SV2C: variants seen among roughly 807,000 people sequenced by gnomAD.
The protein encoded by SV2C is solute carrier family 22 member B3.
In SV2C, 49 loss-of-function variants were observed where a neutral mutation model predicts 79.7. That is an observed-to-expected ratio of 0.61 (90% CI 0.49 to 0.78). The LOEUF (loss-of-function observed/expected upper bound fraction) is 0.78, where lower values mean the gene tolerates loss of function less well. Ranked by LOEUF, SV2C falls within the 30% of genes least tolerant of loss-of-function variation. SV2C has a pLI of 0.00. For synonymous variants in SV2C, 334 were observed against 333.2 expected, an observed-to-expected ratio of 1.00 and a Z score of -0.03; for missense variants, 833 against 912.9, an observed-to-expected ratio of 0.91 and a Z score of 1.13.
intron 12 of SV2C, among the ~76,000 whole-genome samples, chr5:76,305,137 G>A (rs1437040555): frequency 6.6e-6 from 1 of 152,186 alleles, no homozygotes; most frequent in Non-Finnish European, 1.5e-5. Context: ...TGCGAGGACA[G>A]TACCAAGGGC....
chr5:76,288,716 T>C (rs1373949650), intron 6 of SV2C, among the ~76,000 whole-genome samples: 1 of 152,206 alleles, frequency 6.6e-6, no homozygotes, highest in African/African-American at 2.4e-5. Context: ...TAGAGGAGAA[T>C]AAGATGGATA....
At chr5:75,878,532 A>C in the SV2C span, among the ~76,000 whole-genome samples, 1 of 152,128 alleles carries the variant, frequency 6.6e-6, no homozygotes, top group East Asian at 1.9e-4. Flanking sequence ...ACTTTTATTA[A>C]AACCCCAAAA....
the SV2C span, among the ~76,000 whole-genome samples, chr5:76,036,588 C>T: frequency 6.6e-6 from 1 of 152,222 alleles, no homozygotes; most frequent in Admixed American, 6.5e-5. Flanking sequence ...TCTCTTCTGG[C>T]ATGTAGAATT....
At chr5:76,073,503 G>GTATGTGTATATATATA in the SV2C span, among the ~76,000 whole-genome samples, 1 of 67,412 alleles carries the variant, frequency 1.5e-5, no homozygotes, top group African/African-American at 6.6e-5. Flanking sequence ...GTATGTGTGT[G>GTATGTGTATATATATA]TATATATATA....
chr5:76,070,893 C>G, the SV2C span, among the ~76,000 whole-genome samples: 1 of 152,152 alleles, frequency 6.6e-6, no homozygotes, highest in African/African-American at 2.4e-5. Context: ...CCAAGGACTC[C>G]CTATGCCTCC....
chr5:76,283,996 C>G (rs1241869804), intron 4 of SV2C, among the ~76,000 whole-genome samples: 1 of 152,100 alleles, frequency 6.6e-6, no homozygotes, highest in Non-Finnish European at 1.5e-5. Context: ...GATTTTTGTT[C>G]ACAAAAAGGC....
intron 2 of SV2C, among the ~76,000 whole-genome samples, chr5:76,142,975 C>A (rs1324360095): frequency 6.9e-6 from 1 of 145,976 alleles, no homozygotes; most frequent in African/African-American, 2.5e-5. Flanking sequence ...CTCACTACTG[C>A]AACCTCTGAC....
At chr5:75,850,370 T>A in the SV2C span, among the ~76,000 whole-genome samples, 1 of 152,210 alleles carries the variant, frequency 6.6e-6, no homozygotes, top group Non-Finnish European at 1.5e-5. Context: ...CAATTTGTTA[T>A]ATATTTGCAA....
the SV2C span, among the ~76,000 whole-genome samples, chr5:76,037,731 C>G: frequency 2.0e-5 from 3 of 152,214 alleles, no homozygotes; most frequent in African/African-American, 4.8e-5. Context: ...GAGGTGGAGC[C>G]TACAGAGGCA....
chr5:75,940,255 TTGGGAGGCTGATG>T, the SV2C span, among the ~76,000 whole-genome samples: 1 of 152,012 alleles, frequency 6.6e-6, no homozygotes, highest in Non-Finnish European at 1.5e-5. Flanking sequence ...TCCGGGCTAC[TTGGGAGGCTGATG>T]TGGGAGGATC....
chr5:76,076,469 C>T, the SV2C span, among the ~76,000 whole-genome samples: 2 of 152,282 alleles, frequency 1.3e-5, no homozygotes, highest in South Asian at 4.1e-4. Flanking sequence ...GTTATATCTG[C>T]TGGTGCTACT....
In SV2C at chr5:76,330,703, G is replaced by A. The variant is rs1179681002; in HGVS notation, c.*5156G>A. 6.6e-6 allele frequency: 1 copy of A among 152,092 alleles called. No individual in the cohort carries two copies. The highest frequency in any genetic ancestry group is 2.4e-5 in the African/African-American group (1 of 41,382). 9.4% of individuals were successfully genotyped at this position (152,092 alleles called of 1,614,324 possible). A position where few individuals can be genotyped will look rare whatever the true frequency, so the allele number is the denominator to read the frequency against. On this transcript the variant is annotated 3_prime_UTR_variant, in exon 13 of 13. Transcript: ENST00000502798. Reference sequence around the variant, plus strand: ...TTGATTACCTGGTTTTTGTTGGAGAGACTATTAACTAGTACTTGGAAAATG... The same window carrying A: ...TTGATTACCTGGTTTTTGTTGGAGAAACTATTAACTAGTACTTGGAAAATG...
At chr5:75,925,903 T>C in the SV2C span, among the ~76,000 whole-genome samples, 27 of 152,254 alleles carry the variant, frequency 1.8e-4, no homozygotes, top group African/African-American at 6.0e-4. Context: ...CAAGTTAATC[T>C]TAGGTTTCCA....
chr5:76,228,338 G>A (rs919305279), intron 4 of SV2C, among the ~76,000 whole-genome samples: 2 of 152,158 alleles, frequency 1.3e-5, no homozygotes, highest in Admixed American at 6.5e-5. Context: ...GTGCGACAGG[G>A]CAGAAGACAG....
At chr5:75,921,622 C>T in the SV2C span, 1 of 947,156 alleles carries the variant, frequency 1.1e-6, no homozygotes, top group South Asian at 1.3e-5. Context: ...TCTCCCCCTT[C>T]TTGATGTTTT....
the SV2C span, among the ~76,000 whole-genome samples, chr5:75,917,952 A>C: frequency 1.3e-5 from 2 of 152,158 alleles, no homozygotes; most frequent in South Asian, 4.1e-4. Flanking sequence ...CCTACTATGT[A>C]CCCACAAAAA....
chr5:76,193,754 T>C (rs1361418021), intron 2 of SV2C, among the ~76,000 whole-genome samples: 1 of 152,156 alleles, frequency 6.6e-6, no homozygotes, highest in Non-Finnish European at 1.5e-5. Flanking sequence ...GAAACATCAT[T>C]TCACAACCCT....
intron 1 of SV2C, among the ~76,000 whole-genome samples, chr5:76,112,742 C>A (rs1283565516): frequency 6.6e-6 from 1 of 152,148 alleles, no homozygotes; most frequent in Non-Finnish European, 1.5e-5. Context: ...CATAAACCTT[C>A]TTTTTTAGGA....
intron 1 of SV2C, among the ~76,000 whole-genome samples, chr5:76,103,473 A>T (rs1267927935): frequency 6.6e-6 from 1 of 152,154 alleles, no homozygotes; most frequent in African/African-American, 2.4e-5. Context: ...AGAAACCCAA[A>T]ATTCTCCTTC....
Sources: gnomAD v4.1 joint callset for allele counts (sites outside exome capture counted in the v4.1 genomes callset) on GRCh38, gnomAD v4.1.1 for gene constraint, MANE v1.5 for transcripts, NCBI Gene and HGNC (gene_info 2026-07-23, HGNC 2026-07-21) for gene names.